The following NXPE1 variants were observed in gnomAD, a reference collection of about 807,000 sequenced individuals.
NXPE1 encodes the protein neurexophilin and PC-esterase domain family member 1.
A neutral mutation model predicts 33.3 loss-of-function variants in NXPE1; 31 were observed. The observed-to-expected ratio is 0.93, with a 90% CI of 0.70 to 1.26. The LOEUF is 1.26. Among genes scored for constraint, NXPE1 ranks in the 50% most tolerant of loss-of-function variants. NXPE1 has a pLI of 0.00. For synonymous variants in NXPE1, 229 were observed against 231.4 expected (o/e 0.99, Z 0.09); for missense variants, 661 against 655.6 (o/e 1.01, Z -0.09).
exon 8 of NXPE1, chr11:114,522,884 A>T: frequency 1.9e-6 from 3 of 1,610,138 alleles, no homozygotes; most frequent in Non-Finnish European, 2.5e-6. Flanking sequence ...CCTACTTTTT[A>T]CAACTTTGGG....
At chr11:114,535,737 C>T (rs1947793728) in intron 5 of NXPE1, among the ~76,000 whole-genome samples, 1 of 152,110 alleles carries the variant, frequency 6.6e-6, no homozygotes, top group Admixed American at 6.5e-5. Flanking sequence ...ACTAGCTATC[C>T]TAAATATATA....
chr11:114,542,726 A>G (rs1295189227), intron 5 of NXPE1, among the ~76,000 whole-genome samples: 1 of 152,192 alleles, frequency 6.6e-6, no homozygotes, highest in Non-Finnish European at 1.5e-5. Flanking sequence ...ATTAGAGGGA[A>G]GCAATAGTCA....
chr11:114,549,838 C>G (rs1309812948), intron 5 of NXPE1, among the ~76,000 whole-genome samples: 2 of 151,806 alleles, frequency 1.3e-5, no homozygotes, highest in African/African-American at 4.8e-5. Flanking sequence ...CCCAAAGTAT[C>G]AATGGAGAAA....
intron 1 of NXPE1, chr11:114,553,947 G>A (rs772219205): frequency 1.6e-4 from 160 of 985,240 alleles, no homozygotes; most frequent in Non-Finnish European, 1.9e-4. Context: ...TGGGAGAGCA[G>A]GTTTGTCAGT....
At chr11:114,520,833 G>A (rs943323024), downstream of NXPE1, among the ~76,000 whole-genome samples, 1 of 152,012 alleles carries the variant, frequency 6.6e-6, no homozygotes, top group Non-Finnish European at 1.5e-5. Flanking sequence ...TACAGATCTC[G>A]CTCCTTCATA....
intron 5 of NXPE1, among the ~76,000 whole-genome samples, chr11:114,550,492 TAAG>T (rs1381467493): frequency 6.6e-6 from 1 of 152,128 alleles, no homozygotes; most frequent in Non-Finnish European, 1.5e-5. Flanking sequence ...GAATTTTAAA[TAAG>T]AAGATTAGGA....
At chr11:114,541,321 C>T (rs1184651003) in intron 5 of NXPE1, among the ~76,000 whole-genome samples, 4 of 152,026 alleles carry the variant, frequency 2.6e-5, no homozygotes, top group Admixed American at 6.6e-5. Context: ...TAGATGTTGG[C>T]CTGATCAGAC....
chr11:114,557,740 A>T (rs1224829937), intron 1 of NXPE1, among the ~76,000 whole-genome samples: 1 of 148,804 alleles, frequency 6.7e-6, no homozygotes, highest in East Asian at 2.0e-4. Flanking sequence ...GCCGTTCTCT[A>T]CTGTCATTTG....
intron 7 of NXPE1, 49 bp from the exon 8 acceptor site, chr11:114,523,140 T>A (rs1483705632): frequency 7.5e-7 from 1 of 1,337,106 alleles, no homozygotes; most frequent in South Asian, 1.2e-5. Flanking sequence ...AACTTAGACA[T>A]CTAGCCTTCT....
At chr11:114,540,579 T>A (rs77689054) in intron 5 of NXPE1, among the ~76,000 whole-genome samples, 13 of 152,088 alleles carry the variant, frequency 8.5e-5, no homozygotes, top group Admixed American at 3.9e-4. Context: ...AATTTTTTTT[T>A]AAGTATAACA....
intron 5 of NXPE1, among the ~76,000 whole-genome samples, chr11:114,536,381 G>T (rs1026105878): frequency 1.3e-5 from 2 of 152,114 alleles, no homozygotes; most frequent in Non-Finnish European, 2.9e-5. Flanking sequence ...AACTAGAGAA[G>T]CAAGAGCAAA....
At chr11:114,556,755 C>G (rs1258461162) in intron 1 of NXPE1, among the ~76,000 whole-genome samples, 1 of 151,974 alleles carries the variant, frequency 6.6e-6, no homozygotes, top group African/African-American at 2.4e-5. Context: ...ATCTAAGCCA[C>G]TCTGACATTT....
intron 1 of NXPE1, among the ~76,000 whole-genome samples, chr11:114,558,885 T>A (rs1376734666): frequency 6.6e-6 from 1 of 152,190 alleles, no homozygotes; most frequent in Non-Finnish European, 1.5e-5. Context: ...AAGTTTGTTT[T>A]CAGTTGATTA....
At position 114,522,120 on chromosome 11, in the gene NXPE1, GA is replaced by G. The variant is rs771952724; in HGVS notation, c.1491del (p.His498ThrfsTer5). ...AAAATATCCTTCATGATAAGATAGTGAATATAACCATGGAAGTCTCCAAACC... is the reference window on the plus strand; with the variant it reads ...AAAATATCCTTCATGATAAGATAGTGATATAACCATGGAAGTCTCCAAACC... On this transcript the variant is annotated frameshift_variant, in exon 9 of 9. Coordinates refer to ENST00000534921, the Ensembl canonical transcript of NXPE1. LOFTEE classifies it low-confidence loss of function (END_TRUNC). The G allele has an allele frequency of 5.6e-6, 9 of 1,613,948 alleles. No homozygotes were observed. The highest frequency in any genetic ancestry group is 6.8e-6 in the Non-Finnish European group (8 of 1,179,940).
At chr11:114,520,043 C>A (rs1201044851), downstream of NXPE1, among the ~76,000 whole-genome samples, 2 of 151,954 alleles carry the variant, frequency 1.3e-5, no homozygotes, top group Non-Finnish European at 2.9e-5. Flanking sequence ...ACCTCGTGAT[C>A]CTCCCGCTTA....
intron 6 of NXPE1, chr11:114,529,042 A>T: frequency 2.5e-6 from 1 of 399,734 alleles, no homozygotes; most frequent in Non-Finnish European, 4.4e-6. Context: ...TCTGGAATGC[A>T]TGTTATTTTG....
chr11:114,529,900 T>C (rs1483329380), intron 6 of NXPE1: 2 of 366,718 alleles, frequency 5.5e-6, no homozygotes, highest in South Asian at 6.7e-5. Flanking sequence ...AGCATGGATG[T>C]TATCATACAC....
intron 1 of NXPE1, chr11:114,553,696 T>C (rs970824151): frequency 2.8e-5 from 28 of 984,442 alleles, no homozygotes; most frequent in South Asian, 4.7e-5. Context: ...ACCTAGATTC[T>C]ACTCCTTAGC....
intron 5 of NXPE1, among the ~76,000 whole-genome samples, chr11:114,533,810 A>G (rs1164715042): frequency 1.3e-5 from 2 of 152,228 alleles, no homozygotes; most frequent in Non-Finnish European, 2.9e-5. Context: ...GGTGGAGCCC[A>G]CCACAGCTCA....
Sources: allele counts gnomAD v4.1 joint callset (sites outside exome capture counted in the v4.1 genomes callset), GRCh38; gene constraint gnomAD v4.1.1; transcripts MANE v1.5; gene names NCBI Gene and HGNC (gene_info 2026-07-23, HGNC 2026-07-21).